Variants in PLAGL1 observed in about 807,000 individuals in gnomAD.
PLAGL1 encodes the protein zinc finger protein PLAGL1.
Under a neutral mutation model 4.6 loss-of-function variants are expected in PLAGL1, and 1 was observed. That is an observed-to-expected ratio of 0.22 (90% CI 0.08 to 1.03). The LOEUF is 1.03. PLAGL1 is among the 50% of genes least tolerant of loss of function. The probability of loss-of-function intolerance (pLI) is 0.58; values close to 1 mark genes in which losing one functional copy is unlikely to be tolerated. For synonymous variants in PLAGL1, 240 were observed against 237.8 expected (o/e 1.01, Z -0.08); for missense variants, 464 against 570.4 (o/e 0.81, Z 1.90).
chr6:144,058,641 T>A (rs1799166302), intron 1 of PLAGL1, among the ~76,000 whole-genome samples: 1 of 152,172 alleles, frequency 6.6e-6, no homozygotes, highest in Admixed American at 6.5e-5. Context: ...GTACAGACAC[T>A]GGGTAAACAT....
upstream of PLAGL1, among the ~76,000 whole-genome samples, chr6:144,010,448 C>CA (rs1795094279): frequency 6.6e-6 from 1 of 152,082 alleles, no homozygotes; most frequent in African/African-American, 2.4e-5. The surrounding 1 kb of genome is among the most constrained non-coding windows in gnomAD (Gnocchi z 4.1). Flanking sequence ...TTAAGGAAAT[C>CA]AGAGAGGACA....
In PLAGL1 at chr6:143,950,920, G is replaced by A. The variant is rs1780936992; in HGVS notation, c.-324-2460C>T. Among the ~76,000 whole-genome samples, 1 of 152,176 alleles carries A rather than the reference G, an allele frequency of 6.6e-6. No homozygotes were observed. Among genetic ancestry groups the A allele is most frequent in the African/African-American group, 2.4e-5 (1 of 41,436 alleles). On this transcript the variant is annotated intron_variant, in intron 6 of 7. Coordinates refer to ENST00000674357, the MANE Select transcript of PLAGL1 (RefSeq NM_001317162.2). The surrounding 1 kb of genome is among the most constrained non-coding windows in gnomAD (Gnocchi z 6.3). ...ATTTAAATTGCCACATAGTGCCAGTGGCTGCTGTCCTGGACGGCACAGGCA... is the reference window on the plus strand; with the variant it reads ...ATTTAAATTGCCACATAGTGCCAGTAGCTGCTGTCCTGGACGGCACAGGCA...
intron 1 of PLAGL1, among the ~76,000 whole-genome samples, chr6:144,021,080 C>T (rs1795944687): frequency 6.6e-6 from 1 of 151,770 alleles, no homozygotes; most frequent in Admixed American, 6.6e-5. Flanking sequence ...TTTATGATTC[C>T]ATAGCCTGTA....
Position 143,959,541 on chromosome 6 carries a change from A to C in PLAGL1, c.-325+928T>G, listed in dbSNP as rs550778196. Among the ~76,000 whole-genome samples, 1 of 152,326 alleles carries C rather than the reference A, an allele frequency of 6.6e-6. No individual in the cohort carries two copies. Among genetic ancestry groups the C allele is most frequent in the Non-Finnish European group, 1.5e-5 (1 of 68,034 alleles). On this transcript the variant is annotated intron_variant, in intron 6 of 7. Coordinates refer to ENST00000674357, the MANE Select transcript of PLAGL1 (RefSeq NM_001317162.2). The surrounding 1 kb of genome is among the most constrained non-coding windows in gnomAD (Gnocchi z 5.3). ...CAATAAATCCAAATATTTAGTGACA[A>C]TATTGTATTTCAGTAGGAGTCGGAA...
chr6:143,977,087 C>A (rs1196348527), intron 2 of PLAGL1, among the ~76,000 whole-genome samples: 2 of 145,964 alleles, frequency 1.4e-5, no homozygotes, highest in African/African-American at 4.9e-5. Flanking sequence ...CTCCCTTCCC[C>A]CCCCCCAACA....
chr6:143,946,387 T>C (rs1779797302), intron 7 of PLAGL1, among the ~76,000 whole-genome samples: 1 of 152,224 alleles, frequency 6.6e-6, no homozygotes, highest in South Asian at 2.1e-4. Context: ...TGCTCTCATG[T>C]TTGGGTAAGG....
intron 1 of PLAGL1, among the ~76,000 whole-genome samples, chr6:144,041,678 T>C (rs559891825): frequency 5.4e-4 from 82 of 152,342 alleles, no homozygotes; most frequent in African/African-American, 1.9e-3. Context: ...TAGCATGATT[T>C]ATAATCCTTT....
At position 144,034,491 on chromosome 6, in the gene PLAGL1, A is replaced by T. The variant is rs958004975; in HGVS notation, c.-151+29977T>A. Among the ~76,000 whole-genome samples, 6 of 152,178 alleles carry T rather than the reference A, an allele frequency of 3.9e-5. No homozygotes were observed. The highest frequency in any genetic ancestry group is 2.0e-4 in the Admixed American group (3 of 15,278). ...TTCTCTTCAAGAAAATAAAACACTTATTTGTTTCCTTTGTATCCTCCTCTC... is the reference window on the plus strand; with the variant it reads ...TTCTCTTCAAGAAAATAAAACACTTTTTTGTTTCCTTTGTATCCTCCTCTC... On this transcript the variant is annotated intron_variant, in intron 1 of 3. Coordinates refer to the PLAGL1 transcript ENST00000437412. The surrounding 1 kb of genome is among the most constrained non-coding windows in gnomAD (Gnocchi z 4.7).
At position 143,941,992 on chromosome 6, in the gene PLAGL1, A is replaced by T. The variant is rs1345314857; in HGVS notation, c.824T>A (p.Met275Lys). 1 of 1,594,410 alleles carries T rather than the reference A, an allele frequency of 6.3e-7. No individual in the cohort carries two copies. The highest frequency in any genetic ancestry group is 1.1e-5 in the South Asian group (1 of 87,124). Residue 275 changes from methionine to lysine, a missense_variant, in exon 8 of 8, where the codon ATG becomes AAG. By Grantham distance (95) the Met-to-Lys change is moderately conservative. Transcript: ENST00000674357. This position sits in a 1 kb window ranked among gnomAD's most constrained non-coding sequence, Gnocchi z 6.0. ...LSPPEQAAQP[M>K]QPLPESLASL... ...GGCCAGGGACTCTGGCAGCGGCTGC[A>T]TAGGCTGGGCGGCTTGTTCTGGGGG... is the stretch of plus-strand genomic sequence containing the variant.
rs116626526 is a variant in PLAGL1, at chr6:143,970,358, T to C, written c.-543-1380A>G. Among the ~76,000 whole-genome samples, 1 of 152,216 alleles carries C rather than the reference T, an allele frequency of 6.6e-6. No individual in the cohort carries two copies. The highest frequency in any genetic ancestry group is 1.5e-5 in the Non-Finnish European group (1 of 68,032). On this transcript the variant is annotated intron_variant, in intron 2 of 7. Transcript: ENST00000674357. This position sits in a 1 kb window ranked among gnomAD's most constrained non-coding sequence, Gnocchi z 5.8. ...GTAAACATTTAAACTACTGAAAATA[T>C]ACTAAGTATTTTAACAACCTCATTA...
In PLAGL1 at chr6:143,966,833, G is replaced by A. The variant is rs1784516637; in HGVS notation, c.-471-635C>T. 1 of 152,026 alleles carries A rather than the reference G, an allele frequency of 6.6e-6. No individual in the cohort carries two copies. Among genetic ancestry groups the A allele is most frequent in the Non-Finnish European group, 1.5e-5 (1 of 68,012 alleles). 9.4% of individuals were successfully genotyped at this position (152,026 alleles called of 1,614,324 possible). On this transcript the variant is annotated intron_variant, in intron 3 of 7. Transcript: ENST00000674357. The surrounding 1 kb of genome is among the most constrained non-coding windows in gnomAD (Gnocchi z 6.0). ...TCCCCGCCTCCCTTCATCCCCCACTGCTTTCATTTTAATTTTTTGTTTGTT... is the reference window on the plus strand; with the variant it reads ...TCCCCGCCTCCCTTCATCCCCCACTACTTTCATTTTAATTTTTTGTTTGTT...
At chr6:144,031,006 A>T (rs1796783752) in intron 1 of PLAGL1, among the ~76,000 whole-genome samples, 1 of 152,150 alleles carries the variant, frequency 6.6e-6, no homozygotes. Context: ...TTTCCACCGC[A>T]TCCACACCAA....
chr6:144,046,407 T>C (rs1798147907), intron 1 of PLAGL1, among the ~76,000 whole-genome samples: 1 of 152,226 alleles, frequency 6.6e-6, no homozygotes, highest in South Asian at 2.1e-4. Flanking sequence ...ATACTATTCC[T>C]TTCTGTTTGT....
In PLAGL1 at chr6:143,941,538, T is replaced by TG. The variant is rs1445904582; in HGVS notation, c.1277dup (p.Leu427ThrfsTer42). ...CCAGGCTCACAGTGCCCATGGCAAG[T>TG]GGGGGTTCTTGCTGCTGCTGCCCCA... is the stretch of plus-strand genomic sequence containing the variant. On this transcript the variant is annotated frameshift_variant, in exon 8 of 8. Transcript: ENST00000674357. LOFTEE classifies it low-confidence loss of function (END_TRUNC). The surrounding 1 kb of genome is among the most constrained non-coding windows in gnomAD (Gnocchi z 6.0). 2 of 1,563,116 alleles carry TG rather than the reference T, an allele frequency of 1.3e-6. No homozygotes were observed. Among genetic ancestry groups the TG allele is most frequent in the Non-Finnish European group, 1.7e-6 (2 of 1,154,294 alleles).
Position 144,005,472 on chromosome 6 carries a change from T to G in PLAGL1, c.-584+2618A>C, listed in dbSNP as rs1332406691. ...TGATATTGGGACAATTACCTTTTCATGTGGGAATCTGAAAATTAATTAAGC... is the reference window on the plus strand; with the variant it reads ...TGATATTGGGACAATTACCTTTTCAGGTGGGAATCTGAAAATTAATTAAGC... On this transcript the variant is annotated intron_variant, in intron 1 of 7. Transcript: ENST00000674357. The surrounding 1 kb of genome is among the most constrained non-coding windows in gnomAD (Gnocchi z 4.6). The G allele has an allele frequency of 6.6e-6, 1 of 152,174 alleles. No individual in the cohort carries two copies. Among genetic ancestry groups the G allele is most frequent in the African/African-American group, 2.4e-5 (1 of 41,452 alleles). 9.4% of individuals were successfully genotyped at this position (152,174 alleles called of 1,614,324 possible).
In PLAGL1 at chr6:143,947,355, C is replaced by A. The variant is rs982668611; in HGVS notation, c.152+630G>T. On this transcript the variant is annotated intron_variant, in intron 7 of 7. Transcript: ENST00000674357. The surrounding 1 kb of genome is among the most constrained non-coding windows in gnomAD (Gnocchi z 4.3). ...TTTCAAATCAGCCTTCCTGCCACTTCTTCAAATTATTATCTGAGTCCTCTT... is the reference window on the plus strand; with the variant it reads ...TTTCAAATCAGCCTTCCTGCCACTTATTCAAATTATTATCTGAGTCCTCTT... Among the ~76,000 whole-genome samples the A allele has an allele frequency of 6.6e-6, 1 of 152,238 alleles. No individual in the cohort carries two copies. Among genetic ancestry groups the A allele is most frequent in the African/African-American group, 2.4e-5 (1 of 41,466 alleles).
intron 2 of PLAGL1, among the ~76,000 whole-genome samples, chr6:143,981,227 T>A (rs1562488160): frequency 8.6e-6 from 1 of 116,374 alleles, no homozygotes; most frequent in South Asian, 3.1e-4. Flanking sequence ...CCCACTTATA[T>A]ACAAGGTTTT....
intron 1 of PLAGL1, among the ~76,000 whole-genome samples, chr6:144,023,035 T>C (rs9484838): frequency 0.83 from 125,991 of 152,222 alleles, 52,286 homozygotes; most frequent in Non-Finnish European, 0.86. Context: ...ATCCATAATG[T>C]GGAATATTAT....
chr6:143,998,529 G>A (rs1454371027), intron 1 of PLAGL1, among the ~76,000 whole-genome samples: 2 of 152,144 alleles, frequency 1.3e-5, no homozygotes, highest in Non-Finnish European at 2.9e-5. Flanking sequence ...ATTATAGTAG[G>A]TACTTAGTAG....
Sources: gnomAD v4.1 joint callset for allele counts (sites outside exome capture counted in the v4.1 genomes callset) on GRCh38, gnomAD v4.1.1 for gene constraint, Gnocchi (gnomAD v3.1) non-coding constraint, MANE v1.5 for transcripts, NCBI Gene and HGNC (gene_info 2026-07-23, HGNC 2026-07-21) for gene names.